The following ARHGAP32 variants were observed in gnomAD, a reference collection of about 807,000 sequenced individuals.
ARHGAP32 encodes the protein Rho GTPase activating protein 32.
In ARHGAP32, 51 loss-of-function variants were observed where a neutral mutation model predicts 186.5. The ratio of observed to expected loss-of-function variants is 0.27; its 90% CI spans 0.22 to 0.35. The LOEUF is 0.35. Ranked by LOEUF, ARHGAP32 falls within the 10% of genes least tolerant of loss-of-function variation. The pLI is 1.00. For missense variants in ARHGAP32, 2,186 were observed against 2,623.5 expected (o/e 0.83, Z 3.64); for synonymous variants, 950 against 964.3 (o/e 0.99, Z 0.27).
At chr11:129,058,710 A>G (rs1034438461) in intron 10 of ARHGAP32, among the ~76,000 whole-genome samples, 1 of 152,238 alleles carries the variant, frequency 6.6e-6, no homozygotes, top group Non-Finnish European at 1.5e-5. Flanking sequence ...GGTTCTGCGC[A>G]TGATTCTGTT....
intron 1 of ARHGAP32, among the ~76,000 whole-genome samples, chr11:129,170,137 A>T (rs537118344): frequency 5.5e-4 from 83 of 152,160 alleles, no homozygotes; most frequent in African/African-American, 2.0e-3. Flanking sequence ...TTCTAAAATC[A>T]AGCCCTATAA....
At chr11:129,042,285 C>T (rs934514339) in intron 10 of ARHGAP32, among the ~76,000 whole-genome samples, 6 of 152,014 alleles carry the variant, frequency 3.9e-5, no homozygotes, top group South Asian at 2.1e-4. Flanking sequence ...TGAGTAGCTG[C>T]GACTCTGGGC....
chr11:129,111,224 T>A (rs1425808890), intron 5 of ARHGAP32, among the ~76,000 whole-genome samples: 2 of 152,206 alleles, frequency 1.3e-5, no homozygotes, highest in African/African-American at 2.4e-5. Context: ...TGTATCATGT[T>A]TATTGATTTG....
At chr11:129,267,961 C>A (rs182156644) in intron 1 of ARHGAP32, among the ~76,000 whole-genome samples, 5 of 152,224 alleles carry the variant, frequency 3.3e-5, no homozygotes, top group Admixed American at 6.5e-5. Context: ...ACTCACCCCC[C>A]ACCCACGGAA....
rs560467913 is a variant in ARHGAP32 at position 129,097,573 on chromosome 11, A to G, written c.445-3866T>C. 2.0e-5 allele frequency among the ~76,000 whole-genome samples: 3 copies of G among 152,292 alleles called. No individual in the cohort carries two copies. The East Asian group carries it at 5.8e-4, about 29-fold the overall frequency. On this transcript the variant is annotated intron_variant, in intron 5 of 22. Transcript: ENST00000682385. ...TCAAAGGCAGATTTGAGCAGGCAGA[A>G]GAAACAATTAGTTAACTTAAAGATA...
intron 10 of ARHGAP32, among the ~76,000 whole-genome samples, chr11:129,048,592 A>C (rs10893958): frequency 0.27 from 41,735 of 151,964 alleles, 6,219 homozygotes; most frequent in Middle Eastern, 0.4. Context: ...AGGCTCTAGA[A>C]TCTACACTGG....
At chr11:129,260,146 A>G (rs1945304084) in intron 1 of ARHGAP32, among the ~76,000 whole-genome samples, 1 of 152,220 alleles carries the variant, frequency 6.6e-6, no homozygotes, top group Non-Finnish European at 1.5e-5. Context: ...CGGCATGAGC[A>G]TTACACAACT....
rs776891639 is a variant in ARHGAP32, at chr11:129,277,741, CCA to C, written c.-5+1403_-5+1404del. ...TCCAATTCCAAGAATGACTCAGACT[CCA>C]GACATTCCTGAAAATGGAAATCACA... On this transcript the variant is annotated intron_variant, in intron 1 of 6. Transcript: ENST00000525234. Among the ~76,000 whole-genome samples the C allele has an allele frequency of 3.9e-5, 6 of 152,334 alleles. No homozygotes were observed. The East Asian group carries it at 7.7e-4, about 20-fold the overall frequency.
intron 5 of ARHGAP32, among the ~76,000 whole-genome samples, chr11:129,110,527 G>A (rs1410467581): frequency 6.6e-6 from 1 of 152,090 alleles, no homozygotes; most frequent in Non-Finnish European, 1.5e-5. Flanking sequence ...AAATTGCTTT[G>A]TACAGTATGG....
At chr11:129,133,732 A>C (rs1279567412) in intron 2 of ARHGAP32, among the ~76,000 whole-genome samples, 1 of 152,232 alleles carries the variant, frequency 6.6e-6, no homozygotes, top group Non-Finnish European at 1.5e-5. Context: ...ATTTGTCACC[A>C]GTAGATAGGC....
At chr11:128,998,052 G>A (rs1040831566) in intron 12 of ARHGAP32, among the ~76,000 whole-genome samples, 13 of 152,128 alleles carry the variant, frequency 8.5e-5, no homozygotes, top group African/African-American at 3.1e-4. Flanking sequence ...AGAAACTCAG[G>A]CAAAATAACA....
chr11:129,213,144 T>G (rs1309671167), intron 1 of ARHGAP32, among the ~76,000 whole-genome samples: 1 of 152,220 alleles, frequency 6.6e-6, no homozygotes, highest in African/African-American at 2.4e-5. Flanking sequence ...CTCATACTTT[T>G]GTATTCACTT....
At chr11:129,038,763 T>A (rs1290016015) in intron 11 of ARHGAP32, among the ~76,000 whole-genome samples, 1 of 149,608 alleles carries the variant, frequency 6.7e-6, no homozygotes. Context: ...GGCATGCACG[T>A]GTAATGTCAG....
intron 11 of ARHGAP32, among the ~76,000 whole-genome samples, chr11:129,040,332 T>A (rs1939541060): frequency 6.6e-6 from 1 of 150,518 alleles, no homozygotes; most frequent in Admixed American, 6.6e-5. Flanking sequence ...TTGTTTGAAT[T>A]TTTTTTTAAT....
Position 129,229,032 on chromosome 11 carries a change from A to C in ARHGAP32, c.-5+50114T>G, listed in dbSNP as rs185306931. Among the ~76,000 whole-genome samples the C allele has an allele frequency of 8.3e-4, 126 of 152,316 alleles. No individual in the cohort carries two copies. In the East Asian group the frequency reaches 0.019, roughly 24 times the overall value. On this transcript the variant is annotated intron_variant, in intron 1 of 6. Coordinates refer to the ARHGAP32 transcript ENST00000525234. ...TTACCCTAGGACGCAGAACAAGGGG[A>C]AAAAAGTTAAAATTTAAGCCTTATG... is the stretch of plus-strand genomic sequence containing the variant.
Position 128,981,421 on chromosome 11 carries a change from C to T in ARHGAP32, c.1775G>A (p.Gly592Glu), listed in dbSNP as rs769855214. The stretch of plus-strand genomic sequence containing the variant: ...AAGGGCCATCGGAGCCGTACCTGCC[C>T]CCTCTTGCATGGCCATGCTGATTCT... ...SGRISMAMQE[G>E]AASLSRPKSL... Residue 592 changes from glycine (G) to glutamate (E), a missense_variant, in exon 17 of 23, where the codon GGG (glycine) becomes GAG (glutamate). Physicochemically the swap from Gly to Glu is moderately conservative, Grantham distance 98. Around this residue, in one of 5 missense-constraint regions of ARHGAP32, gnomAD observed 263 missense variants for 323.5 expected, o/e 0.81. Transcript: ENST00000682385. The T allele has an allele frequency of 4.4e-6, 7 of 1,600,882 alleles. No individual in the cohort carries two copies. Among genetic ancestry groups the T allele is most frequent in the Non-Finnish European group, 6.0e-6 (7 of 1,171,084 alleles).
rs1252155929 is a variant in ARHGAP32, at chr11:128,972,640, G to A, written c.3866C>T (p.Thr1289Ile). The A allele has an allele frequency of 1.2e-6, 2 of 1,613,030 alleles. No homozygotes were observed. Among genetic ancestry groups the A allele is most frequent in the Admixed American group, 3.3e-5 (2 of 59,960 alleles). ...TTTPATAQMS[T>I]KEASWDVAEQ... The stretch of plus-strand genomic sequence containing the variant: ...AGCCACATCCCAGCTGGCTTCCTTG[G>A]TGCTCATTTGGGCTGTTGCTGGAGT... The change falls in exon 22 of 23, where the codon ACC (threonine) becomes ATC (isoleucine). Residue 1289 changes from threonine to isoleucine, a missense_variant. Thr to Ile is a moderately conservative substitution (Grantham distance 89, BLOSUM62 -1). Coordinates refer to ENST00000682385, the MANE Select transcript of ARHGAP32 (RefSeq NM_001378024.1).
At chr11:129,181,485 G>C (rs1490659738) in intron 1 of ARHGAP32, among the ~76,000 whole-genome samples, 2 of 152,060 alleles carry the variant, frequency 1.3e-5, no homozygotes, top group Non-Finnish European at 2.9e-5. Context: ...GTCATTATCT[G>C]CTTATCATAG....
intron 1 of ARHGAP32, among the ~76,000 whole-genome samples, chr11:129,216,794 G>C (rs1428409320): frequency 6.6e-6 from 1 of 150,546 alleles, no homozygotes; most frequent in Non-Finnish European, 1.5e-5. Flanking sequence ...TTTATTTAAA[G>C]ATTCTTAATT....
Sources: allele counts gnomAD v4.1 joint callset (sites outside exome capture counted in the v4.1 genomes callset), GRCh38; gene constraint gnomAD v4.1.1; regional missense constraint gnomAD v4.1.1; transcripts MANE v1.5; gene names NCBI Gene and HGNC (gene_info 2026-07-23, HGNC 2026-07-21).